Variants in XIRP2 observed in about 807,000 individuals in gnomAD.
XIRP2 encodes xin actin binding repeat containing 2.
In XIRP2, 236 loss-of-function variants were observed where a neutral mutation model predicts 277.0. The observed-to-expected ratio is 0.85, with a 90% confidence interval of 0.77 to 0.95. XIRP2 has a LOEUF of 0.95. XIRP2 is among the 40% of genes least tolerant of loss of function. The probability of loss-of-function intolerance (pLI) is 0.00; values close to 1 mark genes in which losing one functional copy is unlikely to be tolerated. For synonymous variants in XIRP2, 1,490 were observed against 1,416.5 expected (o/e 1.05, Z -1.17); for missense variants, 4,640 against 4,157.5 (o/e 1.12, Z -3.19).
At chr2:166,897,018 C>A (rs1574059019) in intron 1 of XIRP2, among the ~76,000 whole-genome samples, 2 of 152,174 alleles carry the variant, frequency 1.3e-5, no homozygotes, top group African/African-American at 4.8e-5. Context: ...AAGCTATACC[C>A]TTAAGCTATA....
intron 2 of XIRP2, among the ~76,000 whole-genome samples, chr2:166,982,329 A>T (rs868388020): frequency 9.6e-4 from 142 of 148,272 alleles, no homozygotes; most frequent in Middle Eastern, 6.9e-3. Flanking sequence ...TTTTTTTTTA[A>T]AAAAAAAACA....
Position 166,903,511 on chromosome 2 carries a change from A to G in XIRP2, c.29A>G (p.Asn10Ser), listed in dbSNP as rs759323310. The G allele has an allele frequency of 1.4e-5, 22 of 1,613,236 alleles. No homozygotes were observed. The East Asian group carries it at 4.9e-4, about 36-fold the overall frequency. Residue 10 changes from asparagine (N) to serine (S), a missense_variant, in exon 2 of 11, where the codon AAC (asparagine) becomes AGC (serine). Transcript: ENST00000409195. ...TTCCCAATGCAGAAGGGCTCCCTCA[A>G]CCTCCTGAGGCAGAAATGGGAATCT... MFPMQKGSL[N>S]LLRQKWESCD...
At chr2:167,201,344 A>AGAACGAAGGAAG (rs1553498981) in intron 3 of XIRP2, among the ~76,000 whole-genome samples, 1 of 103,152 alleles carries the variant, frequency 9.7e-6, no homozygotes, top group African/African-American at 4.4e-5. Flanking sequence ...AAGGAAGGAA[A>AGAACGAAGGAAG]GAAGGAAGGA....
chr2:167,207,824 T>TA (rs768127940), intron 3 of XIRP2, among the ~76,000 whole-genome samples: 2 of 152,140 alleles, frequency 1.3e-5, no homozygotes, highest in East Asian at 1.9e-4. Flanking sequence ...TCAAAACCCT[T>TA]AAAAAAGACA....
chr2:166,902,708 C>T (rs934116799), intron 1 of XIRP2, among the ~76,000 whole-genome samples: 3 of 151,912 alleles, frequency 2.0e-5, no homozygotes, highest in Admixed American at 2.0e-4. Flanking sequence ...CAGTCAGTCT[C>T]ACAATGAGAT....
intron 3 of XIRP2, among the ~76,000 whole-genome samples, chr2:167,192,782 A>C (rs1464336337): frequency 2.0e-5 from 3 of 152,168 alleles, no homozygotes; most frequent in Non-Finnish European, 4.4e-5. Flanking sequence ...ACTGGAACTC[A>C]GGAAATAGGA....
intron 1 of XIRP2, among the ~76,000 whole-genome samples, chr2:166,896,345 C>T (rs1301829557): frequency 2.6e-5 from 4 of 152,054 alleles, no homozygotes; most frequent in African/African-American, 4.8e-5. Context: ...ATGACCGCTC[C>T]GTTTCATGTT....
Position 167,001,554 on chromosome 2 carries a change from G to A in XIRP2, c.408+97664G>A, listed in dbSNP as rs143289917. ...GAAAAAATATGGTACTAGAAATAAC[G>A]CTATCAGTCAGTGGTCACCCAATCA... On this transcript the variant is annotated intron_variant, in intron 2 of 10. Coordinates refer to ENST00000409195, the MANE Select transcript of XIRP2 (RefSeq NM_152381.6). Among the ~76,000 whole-genome samples the A allele has an allele frequency of 2.3e-3, 349 of 152,078 alleles. 4 individuals carry two copies. Among genetic ancestry groups the A allele is most frequent in the African/African-American group, 7.9e-3 (327 of 41,490 alleles).
chr2:166,960,390 A>G (rs1458362695), intron 2 of XIRP2, among the ~76,000 whole-genome samples: 3 of 151,780 alleles, frequency 2.0e-5, no homozygotes, highest in African/African-American at 7.2e-5. Flanking sequence ...TAAAAAGGGC[A>G]TGTGACTGTT....
intron 5 of XIRP2, among the ~76,000 whole-genome samples, chr2:167,234,088 G>A (rs1694833983): frequency 6.6e-6 from 1 of 151,528 alleles, no homozygotes; most frequent in Admixed American, 6.6e-5. Flanking sequence ...TTTTAGAGCA[G>A]GAGGAGACAG....
intron 2 of XIRP2, among the ~76,000 whole-genome samples, chr2:166,959,678 G>T (rs932974692): frequency 1.2e-4 from 18 of 151,684 alleles, no homozygotes; most frequent in African/African-American, 4.1e-4. Context: ...AGCATAGCAG[G>T]GTTTATTTTC....
At chr2:167,200,852 G>A (rs1328598978) in intron 3 of XIRP2, among the ~76,000 whole-genome samples, 2 of 152,044 alleles carry the variant, frequency 1.3e-5, no homozygotes, top group Non-Finnish European at 2.9e-5. Flanking sequence ...CCTGCCGGGT[G>A]TGGTGGCTCA....
intron 2 of XIRP2, among the ~76,000 whole-genome samples, chr2:167,132,456 A>G (rs1279333967): frequency 6.6e-6 from 1 of 151,896 alleles, no homozygotes; most frequent in Admixed American, 6.6e-5. Flanking sequence ...CCTGTTCTGG[A>G]GTTAGACTGC....
chr2:167,052,156 G>A lies in XIRP2; in HGVS notation c.409-83753G>A, dbSNP rs190106325. Among the ~76,000 whole-genome samples the A allele has an allele frequency of 1.6e-3, 250 of 152,114 alleles. 1 individual carries two copies. The highest frequency in any genetic ancestry group is 5.4e-3 in the African/African-American group (226 of 41,510). On this transcript the variant is annotated intron_variant, in intron 2 of 10. Transcript: ENST00000409195. ...AAAAATAAATTACAGTACAATGTAA[G>A]TTACAGTACAGTTCATCCCCAAAAC...
intron 2 of XIRP2, among the ~76,000 whole-genome samples, chr2:167,037,379 G>A (rs1335810047): frequency 6.6e-6 from 1 of 152,108 alleles, no homozygotes; most frequent in Non-Finnish European, 1.5e-5. Flanking sequence ...GGCCAGTCCT[G>A]TTTAGCAACT....
At chr2:167,069,383 C>A (rs1293147199) in intron 2 of XIRP2, among the ~76,000 whole-genome samples, 1 of 152,130 alleles carries the variant, frequency 6.6e-6, no homozygotes, top group Non-Finnish European at 1.5e-5. Flanking sequence ...CTGAGTTGAA[C>A]CCCTATAAGG....
intron 2 of XIRP2, among the ~76,000 whole-genome samples, chr2:166,952,571 A>G (rs938067658): frequency 1.3e-5 from 2 of 151,998 alleles, no homozygotes; most frequent in African/African-American, 4.8e-5. Context: ...ATGAATTCTA[A>G]TTATCTGTGG....
chr2:167,089,213 AG>A (rs1690069091), intron 2 of XIRP2, among the ~76,000 whole-genome samples: 1 of 152,138 alleles, frequency 6.6e-6, no homozygotes, highest in Admixed American at 6.5e-5. Context: ...GAGGAAGAAA[AG>A]CAACTATTAG....
chr2:167,179,758 G>A (rs1465427873), intron 3 of XIRP2, among the ~76,000 whole-genome samples: 23 of 151,788 alleles, frequency 1.5e-4, no homozygotes. Flanking sequence ...TCTTACCTCA[G>A]CCTCTAACGT....
Sources: allele counts gnomAD v4.1 joint callset (sites outside exome capture counted in the v4.1 genomes callset), GRCh38; gene constraint gnomAD v4.1.1; transcripts MANE v1.5; gene names NCBI Gene and HGNC (gene_info 2026-07-23, HGNC 2026-07-21).